The following KIF6 variants were observed in gnomAD, a reference collection of about 807,000 sequenced individuals.
KIF6 encodes the protein kinesin-like protein KIF6.
KIF6 carries 106 observed loss-of-function variants against 112.7 expected under a neutral mutation model. That is an observed-to-expected ratio of 0.94 (90% CI 0.80 to 1.11). The LOEUF is 1.11. Ranked by LOEUF, KIF6 falls within the 50% of genes least tolerant of loss-of-function variation. The pLI is 0.00. For synonymous variants in KIF6, 339 were observed against 339.9 expected (o/e 1.00, Z 0.03); for missense variants, 929 against 964.0 (o/e 0.96, Z 0.48).
intron 13 of KIF6, among the ~76,000 whole-genome samples, chr6:39,497,602 C>G (rs1377988098): frequency 2.6e-5 from 4 of 152,110 alleles, no homozygotes; most frequent in Non-Finnish European, 5.9e-5. Context: ...CAAACCTGGT[C>G]CATACATTAC....
At chr6:39,481,589 C>T (rs1194982993) in intron 13 of KIF6, among the ~76,000 whole-genome samples, 2 of 152,148 alleles carry the variant, frequency 1.3e-5, no homozygotes, top group African/African-American at 2.4e-5. Context: ...CCTTGTTAGA[C>T]AGATTGCCAG....
rs944880180 is a variant in KIF6, at chr6:39,345,775, C to G, written c.2246G>C (p.Arg749Thr). ...GRFDVCDVNARKILPSPCPSP... is the reference protein window; with the variant it reads ...GRFDVCDVNATKILPSPCPSP... ...GGGGCAAGGCGAGGGCAGGATTTTCCTGGCATTCACATCACTGCAAAACAC... is the reference window on the plus strand; with the variant it reads ...GGGGCAAGGCGAGGGCAGGATTTTCGTGGCATTCACATCACTGCAAAACAC... Residue 749 changes from arginine to threonine, a missense_variant, in exon 21 of 23, where the codon AGG becomes ACG. By Grantham distance (71) the Arg-to-Thr change is moderately conservative. Coordinates refer to ENST00000287152, the MANE Select transcript of KIF6 (RefSeq NM_145027.6). 16 of 1,613,754 alleles carry G rather than the reference C, an allele frequency of 9.9e-6. No homozygotes were observed. The highest frequency in any genetic ancestry group is 1.4e-5 in the Non-Finnish European group (16 of 1,179,912).
intron 13 of KIF6, among the ~76,000 whole-genome samples, chr6:39,514,259 A>G (rs1776940313): frequency 6.6e-6 from 1 of 152,190 alleles, no homozygotes. Flanking sequence ...GTGACTTGTG[A>G]AAAGTCGAAG....
At chr6:39,530,733 G>T (rs949963831) in intron 13 of KIF6, among the ~76,000 whole-genome samples, 2 of 152,182 alleles carry the variant, frequency 1.3e-5, no homozygotes, top group Admixed American at 1.3e-4. Context: ...TTTCACAGCA[G>T]TTTCAGAGAT....
rs760570867 is a variant in KIF6, at chr6:39,545,574, TA to T, written c.1287+8del. 1.8e-5 allele frequency: 29 copies of T among 1,600,314 alleles called. No individual in the cohort carries two copies. The highest frequency in any genetic ancestry group is 2.5e-5 in the Non-Finnish European group (29 of 1,168,864). The stretch of plus-strand genomic sequence containing the variant: ...AAATGGCTTCTATTGGGGAAACATT[TA>T]AGTTTACCTTTAAATGATGAAAACA... On this transcript the variant is annotated splice_region_variant and intron_variant, in intron 11 of 22. Transcript: ENST00000287152.
chr6:39,479,527 A>G (rs1255058162), intron 13 of KIF6, among the ~76,000 whole-genome samples: 1 of 152,048 alleles, frequency 6.6e-6, no homozygotes, highest in Non-Finnish European at 1.5e-5. Flanking sequence ...AAGTCAAGTA[A>G]TATGATGCCT....
chr6:39,716,580 C>T (rs991325226), intron 2 of KIF6, among the ~76,000 whole-genome samples: 2 of 152,082 alleles, frequency 1.3e-5, no homozygotes, highest in Non-Finnish European at 2.9e-5. Flanking sequence ...AATAGGATCA[C>T]AATTAGAAGG....
At chr6:39,488,758 A>G (rs1775289928) in intron 13 of KIF6, among the ~76,000 whole-genome samples, 2 of 152,184 alleles carry the variant, frequency 1.3e-5, no homozygotes, top group South Asian at 4.1e-4. Flanking sequence ...CACCAACTAA[A>G]CATTAGAATT....
At chr6:39,586,199 C>T in intron 8 of KIF6, 62 bp downstream of exon 8, 1 of 1,579,232 alleles carries the variant, frequency 6.3e-7, no homozygotes. Flanking sequence ...AGCCTCAACT[C>T]CGTCTCACGT....
chr6:39,415,880 G>A (rs1769884449), intron 15 of KIF6, among the ~76,000 whole-genome samples: 1 of 151,708 alleles, frequency 6.6e-6, no homozygotes, highest in South Asian at 2.1e-4. Flanking sequence ...TTTGGAGTAG[G>A]GGGAAAAAAA....
At chr6:39,445,221 C>T (rs909349024) in intron 13 of KIF6, among the ~76,000 whole-genome samples, 1 of 152,150 alleles carries the variant, frequency 6.6e-6, no homozygotes, top group Non-Finnish European at 1.5e-5. Flanking sequence ...GGGGGCACTA[C>T]AGAGAAGATG....
intron 13 of KIF6, among the ~76,000 whole-genome samples, chr6:39,472,952 T>C (rs1774215109): frequency 6.7e-6 from 1 of 150,070 alleles, no homozygotes; most frequent in African/African-American, 2.5e-5. Context: ...AATGGCGCGA[T>C]CTCAGCTCAC....
At chr6:39,644,002 A>T (rs1582349011) in intron 3 of KIF6, among the ~76,000 whole-genome samples, 1 of 152,272 alleles carries the variant, frequency 6.6e-6, no homozygotes, top group East Asian at 1.9e-4. Flanking sequence ...AAACAATCTA[A>T]TTAAAAAGCG....
rs1762819670 is a variant in KIF6 at position 39,333,740 on chromosome 6, T to TC, written c.*2791_*2792insG. 1 of 152,238 alleles carries TC rather than the reference T, an allele frequency of 6.6e-6. No homozygotes were observed. Among genetic ancestry groups the TC allele is most frequent in the South Asian group, 2.1e-4 (1 of 4,828 alleles). The allele number at this position is 152,238 out of a possible 1,614,324, so 9.4% of individuals were successfully genotyped here. ...TAGCAAGATCTGGGCAAGCTACATT[T>TC]TAACTTCCCTCCTCCAACCTCCGTC... On this transcript the variant is annotated 3_prime_UTR_variant, in exon 23 of 23. Coordinates refer to ENST00000287152, the MANE Select transcript of KIF6 (RefSeq NM_145027.6).
At chr6:39,700,374 G>T (rs963924875) in intron 3 of KIF6, among the ~76,000 whole-genome samples, 1 of 152,116 alleles carries the variant, frequency 6.6e-6, no homozygotes, top group African/African-American at 2.4e-5. Context: ...AAATTACTTC[G>T]AAATGTAAGT....
At chr6:39,339,043 C>G (rs1417674868) in intron 22 of KIF6, among the ~76,000 whole-genome samples, 2 of 152,098 alleles carry the variant, frequency 1.3e-5, no homozygotes, top group African/African-American at 4.8e-5. Context: ...CAGACCTCAA[C>G]ACAAAAGGCA....
intron 5 of KIF6, among the ~76,000 whole-genome samples, chr6:39,629,584 T>A (rs1460099279): frequency 6.6e-6 from 1 of 152,112 alleles, no homozygotes; most frequent in Admixed American, 6.6e-5. Context: ...CTTTGTATAT[T>A]TATATCTTTA....
intron 3 of KIF6, among the ~76,000 whole-genome samples, chr6:39,671,404 T>C (rs1786809950): frequency 6.6e-6 from 1 of 152,184 alleles, no homozygotes; most frequent in Admixed American, 6.5e-5. Flanking sequence ...GTGATAATAA[T>C]ATCCAACAGC....
intron 15 of KIF6, among the ~76,000 whole-genome samples, chr6:39,392,026 T>A (rs959490050): frequency 6.6e-6 from 1 of 152,202 alleles, no homozygotes; most frequent in Non-Finnish European, 1.5e-5. Flanking sequence ...ATTCTTATTC[T>A]CCTCTTCTTC....
Sources: gnomAD v4.1 joint callset for allele counts (sites outside exome capture counted in the v4.1 genomes callset) on GRCh38, gnomAD v4.1.1 for gene constraint, MANE v1.5 for transcripts, NCBI Gene and HGNC (gene_info 2026-07-23, HGNC 2026-07-21) for gene names.